The following TESK1 variants were observed in gnomAD, a reference collection of about 807,000 sequenced individuals.
TESK1 encodes the protein dual specificity testis-specific protein kinase 1.
A neutral mutation model predicts 59.9 loss-of-function variants in TESK1; 18 were observed. The ratio of observed to expected loss-of-function variants is 0.30; its 90% CI spans 0.21 to 0.45. TESK1 has a LOEUF of 0.45. Among genes scored for constraint, TESK1 ranks in the 20% least tolerant of loss-of-function variants. The probability of loss-of-function intolerance (pLI) is 1.00; values close to 1 mark genes in which losing one functional copy is unlikely to be tolerated. For synonymous variants in TESK1, 341 were observed against 357.4 expected (o/e 0.95, Z 0.52); for missense variants, 748 against 840.9 (o/e 0.89, Z 1.37).
chr9:35,605,555 AGCGCGGCCTGCCCGG>A lies in TESK1; in HGVS notation c.-62_-48del. ...TCGGGCTGGGCCCGCGCCCATGGCA[AGCGCGGCCTGCCCGG>A]GCCCTGGGGACCCTGCCATGTGAGG... On this transcript the variant is annotated 5_prime_UTR_variant, in exon 1 of 10. Transcript: ENST00000336395. 2.2e-6 allele frequency: 1 copy of A among 447,896 alleles called. No homozygotes were observed. The highest frequency in any genetic ancestry group is 3.4e-6 in the Non-Finnish European group (1 of 297,556). The allele number at this position is 447,896 out of a possible 1,614,324, so 27.7% of individuals were successfully genotyped here.
At position 35,607,114 on chromosome 9, in the gene TESK1, G is replaced by A; in HGVS notation, c.537+131G>A. ...GAGTGGCAAGGCATTGGAGAATATT[G>A]GGGGACCAGGGTGAGGGGAGTGCTC... On this transcript the variant is annotated intron_variant, in intron 4 of 9. Transcript: ENST00000336395. The surrounding 1 kb of genome is among the most constrained non-coding windows in gnomAD (Gnocchi z 4.5). The A allele has an allele frequency of 7.3e-7, 1 of 1,360,844 alleles. No homozygotes were observed. Among genetic ancestry groups the A allele is most frequent in the South Asian group, 1.4e-5 (1 of 71,338 alleles). The allele number at this position is 1,360,844 out of a possible 1,614,324, so 84.3% of individuals were successfully genotyped here.
chr9:35,605,704 A>ACGGGCGGAGGCC lies in TESK1; in HGVS notation c.91_102dup (p.Gly31_Gly34dup), dbSNP rs1822831284. ...GGAGGGGCCCCCGGGGCCGGGGGGCACGGGCGGAGGCCCGGGCCGGGGCCG... is the reference window on the plus strand; with the variant it reads ...GGAGGGGCCCCCGGGGCCGGGGGGCACGGGCGGAGGCCCGGGCGGAGGCCCGGGCCGGGGCCG... On this transcript the variant is annotated inframe_insertion, in exon 1 of 10. Coordinates refer to ENST00000336395, the MANE Select transcript of TESK1 (RefSeq NM_006285.3). 2 of 1,503,940 alleles carry ACGGGCGGAGGCC rather than the reference A, an allele frequency of 1.3e-6. No individual in the cohort carries two copies. Among genetic ancestry groups the ACGGGCGGAGGCC allele is most frequent in the Non-Finnish European group, 1.8e-6 (2 of 1,124,822 alleles). 93.2% of individuals were successfully genotyped at this position (1,503,940 alleles called of 1,614,324 possible). A position where few individuals can be genotyped will look rare whatever the true frequency, so the allele number is the denominator to read the frequency against.
In TESK1 at chr9:35,605,431, T is replaced by A. The variant is rs1375723595; in HGVS notation, c.-189T>A. The A allele has an allele frequency of 5.0e-6, 1 of 201,426 alleles. No individual in the cohort carries two copies. Among genetic ancestry groups the A allele is most frequent in the Admixed American group, 6.0e-5 (1 of 16,618 alleles). 12.5% of individuals were successfully genotyped at this position (201,426 alleles called of 1,614,324 possible). On this transcript the variant is annotated 5_prime_UTR_variant, in exon 1 of 10. Transcript: ENST00000336395. ...CTGCGCGGAGCGGAGCGGCGCGGCGTCCACCCGGGCCCAGCCAGCCGGCGC... is the reference window on the plus strand; with the variant it reads ...CTGCGCGGAGCGGAGCGGCGCGGCGACCACCCGGGCCCAGCCAGCCGGCGC...
chr9:35,606,055 A>T lies in TESK1; in HGVS notation c.291A>T (p.Thr97=). The part of the protein sequence containing the change: ...MNKLPSNRGN[T]LREVQLMNRL... ...AGCTCCCCAGTAACCGGGGCAACAC[A>T]CTACGGGAAGTGCAGCTGATGAACC... is the stretch of plus-strand genomic sequence containing the variant. Residue 97 remains threonine (T), a synonymous_variant, in exon 2 of 10, where the codon ACA becomes ACT. Transcript: ENST00000336395. 1 of 1,614,068 alleles carries T rather than the reference A, an allele frequency of 6.2e-7. No homozygotes were observed. Among genetic ancestry groups the T allele is most frequent in the Non-Finnish European group, 8.5e-7 (1 of 1,180,008 alleles).
At position 35,605,634 on chromosome 9, in the gene TESK1, G is replaced by A. The variant is rs1176026090; in HGVS notation, c.15G>A (p.Arg5=). The change falls in exon 1 of 10, where the codon CGG becomes CGA. Residue 5 remains arginine, a synonymous_variant. Transcript: ENST00000336395. The stretch of plus-strand genomic sequence containing the variant: ...GGGGCCCGGCCATGGCCGGGGAACG[G>A]CCCCCACTGCGGGGCCCTGGGCCCG... MAGE[R]PPLRGPGPGP... is the part of the protein sequence containing the mutation. 2.3e-5 allele frequency: 28 copies of A among 1,192,112 alleles called. No individual in the cohort carries two copies. Among genetic ancestry groups the A allele is most frequent in the Admixed American group, 4.4e-5 (1 of 22,538 alleles). 73.8% of individuals were successfully genotyped at this position (1,192,112 alleles called of 1,614,324 possible).
At position 35,609,036 on chromosome 9, in the gene TESK1, T is replaced by G; in HGVS notation, c.1175T>G (p.Ile392Ser). 6.2e-7 allele frequency: 1 copy of G among 1,614,112 alleles called. No homozygotes were observed. Among genetic ancestry groups the G allele is most frequent in the Non-Finnish European group, 8.5e-7 (1 of 1,180,022 alleles). Residue 392 changes from isoleucine to serine, a missense_variant, in exon 10 of 10, where the codon ATC becomes AGC. This residue lies in a region of TESK1 where 447 missense variants were observed against 466.1 expected (regional missense o/e 0.96). Transcript: ENST00000336395. This position sits in a 1 kb window ranked among gnomAD's most constrained non-coding sequence, Gnocchi z 6.7. ...SLREDLRGGK[I>S]KLLDTPSKPV... ...CGGGAAGACCTCAGGGGTGGCAAGATCAAGCTCTTAGACACACCCAGCAAG... is the reference window on the plus strand; with the variant it reads ...CGGGAAGACCTCAGGGGTGGCAAGAGCAAGCTCTTAGACACACCCAGCAAG...
chr9:35,607,589 G>C lies in TESK1; in HGVS notation c.628G>C (p.Ala210Pro), dbSNP rs1294557009. ...CTGCCCCTGCCCCTGCAGGGAGGGG[G>C]CAAGGAAGGAGCCATTGGCCGTGGT... ...AEKIPVYREGARKEPLAVVGS... is the reference protein window; with the variant it reads ...AEKIPVYREGPRKEPLAVVGS... The change falls in exon 6 of 10, where the codon GCA (alanine) becomes CCA (proline). Residue 210 changes from alanine to proline, a missense_variant. Coordinates refer to ENST00000336395, the MANE Select transcript of TESK1 (RefSeq NM_006285.3). This position sits in a 1 kb window ranked among gnomAD's most constrained non-coding sequence, Gnocchi z 4.5. 1 of 1,613,706 alleles carries C rather than the reference G, an allele frequency of 6.2e-7. No homozygotes were observed. Among genetic ancestry groups the C allele is most frequent in the Admixed American group, 1.7e-5 (1 of 60,004 alleles).
chr9:35,605,805 G>A lies in TESK1; in HGVS notation c.186G>A (p.Lys62=). The A allele has an allele frequency of 6.2e-7, 1 of 1,612,070 alleles. No homozygotes were observed. Among genetic ancestry groups the A allele is most frequent in the Non-Finnish European group, 8.5e-7 (1 of 1,179,584 alleles). The change falls in exon 1 of 10, where the codon AAG becomes AAA. Residue 62 remains lysine (K), a synonymous_variant. Transcript: ENST00000336395. The part of the protein sequence containing the change: ...ARVDDFHCAE[K]IGAGFFSEVY... ...TGGACGATTTTCACTGCGCGGAGAA[G>A]ATCGGGGCCGGCTTCTTCTCTGAGG...
In TESK1 at chr9:35,608,579, A is replaced by G. The variant is rs534057121; in HGVS notation, c.1000+70A>G. ...GTCCTCCCTAGAATTCAGAGGTGAC[A>G]TGGGGGAGGCTAAGTATATTTATTA... On this transcript the variant is annotated intron_variant, in intron 9 of 9. Coordinates refer to ENST00000336395, the MANE Select transcript of TESK1 (RefSeq NM_006285.3). 3.0e-4 allele frequency: 354 copies of G among 1,192,652 alleles called. 3 individuals are homozygous for G. In the South Asian group the frequency reaches 4.1e-3, roughly 14 times the overall value. The allele number at this position is 1,192,652 out of a possible 1,614,324, so 73.9% of individuals were successfully genotyped here. A position where few individuals can be genotyped will look rare whatever the true frequency, so the allele number is the denominator to read the frequency against.
rs967539582 is a variant in TESK1, at chr9:35,605,296, G to GCCGCCCGC, written c.-310_-303dup. On this transcript the variant is annotated 5_prime_UTR_variant, in exon 1 of 10. Coordinates refer to ENST00000336395, the MANE Select transcript of TESK1 (RefSeq NM_006285.3). ...TCCCCGGCGGCTAAGCGGAGCAGCCGCCGCCCGCCCGCCCGCCCGCCTCCG... is the reference window on the plus strand; with the variant it reads ...TCCCCGGCGGCTAAGCGGAGCAGCCGCCGCCCGCCCGCCCGCCCGCCCGCCCGCCTCCG... The GCCGCCCGC allele has an allele frequency of 3.0e-4, 44 of 148,340 alleles. No individual in the cohort carries two copies. The highest frequency in any genetic ancestry group is 7.9e-4 in the East Asian group (4 of 5,058). 9.2% of individuals were successfully genotyped at this position (148,340 alleles called of 1,614,324 possible).
At position 35,609,797 on chromosome 9, in the gene TESK1, G is replaced by C. The variant is rs974861909; in HGVS notation, c.*55G>C. 2 of 1,480,216 alleles carry C rather than the reference G, an allele frequency of 1.4e-6. No homozygotes were observed. The highest frequency in any genetic ancestry group is 1.4e-5 in the African/African-American group (1 of 71,772). The allele number at this position is 1,480,216 out of a possible 1,614,324, so 91.7% of individuals were successfully genotyped here. A position where few individuals can be genotyped will look rare whatever the true frequency, so the allele number is the denominator to read the frequency against. On this transcript the variant is annotated 3_prime_UTR_variant, in exon 10 of 10. Transcript: ENST00000336395. The surrounding 1 kb of genome is among the most constrained non-coding windows in gnomAD (Gnocchi z 6.7). ...CTTTGGCCTTCAGGACACCCTGTAA[G>C]AACAGAGCACACTTGCTGGACAGTG...
chr9:35,607,515 A>G lies in TESK1; in HGVS notation c.621-67A>G. 6.4e-7 allele frequency: 1 copy of G among 1,574,210 alleles called. No individual in the cohort carries two copies. Among genetic ancestry groups the G allele is most frequent in the Admixed American group, 1.7e-5 (1 of 59,922 alleles). On this transcript the variant is annotated intron_variant, in intron 5 of 9. Coordinates refer to ENST00000336395, the MANE Select transcript of TESK1 (RefSeq NM_006285.3). This position sits in a 1 kb window ranked among gnomAD's most constrained non-coding sequence, Gnocchi z 4.5. ...TTGGGGAACGGAGGGAGTTCACCTC[A>G]TCCCCTTTTGCCTGGGGGGGATGCC...
At position 35,605,651 on chromosome 9, in the gene TESK1, C is replaced by A; in HGVS notation, c.32C>A (p.Pro11His). 1 of 1,253,994 alleles carries A rather than the reference C, an allele frequency of 8.0e-7. No homozygotes were observed. The highest frequency in any genetic ancestry group is 1.0e-6 in the Non-Finnish European group (1 of 999,644). The allele number at this position is 1,253,994 out of a possible 1,614,324, so 77.7% of individuals were successfully genotyped here. Residue 11 changes from proline (P) to histidine (H), a missense_variant, in exon 1 of 10, where the codon CCT (proline) becomes CAT (histidine). Pro to His is a moderately conservative substitution (Grantham distance 77, BLOSUM62 -2). Transcript: ENST00000336395. Reference protein sequence around the residue: MAGERPPLRGPGPGPGEVPGE... With the variant: MAGERPPLRGHGPGPGEVPGE... ...GGGGAACGGCCCCCACTGCGGGGCCCTGGGCCCGGGCCTGGAGAGGTGCCG... is the reference window on the plus strand; with the variant it reads ...GGGGAACGGCCCCCACTGCGGGGCCATGGGCCCGGGCCTGGAGAGGTGCCG...
rs751807950 is a variant in TESK1 at position 35,609,632 on chromosome 9, G to A, written c.1771G>A (p.Val591Ile). Residue 591 changes from valine to isoleucine, a missense_variant, in exon 10 of 10, where the codon GTT becomes ATT. Val to Ile is a conservative substitution (Grantham distance 29). Transcript: ENST00000336395. This position sits in a 1 kb window ranked among gnomAD's most constrained non-coding sequence, Gnocchi z 6.7. ...CATGTGCCCCCGCCCCACACCAGCT[G>A]TTGCCCGCTACCGCAACCTGAACTG... ...LSMCPRPTPA[V>I]ARYRNLNCEA... is the part of the protein sequence containing the mutation. 1.2e-6 allele frequency: 2 copies of A among 1,609,872 alleles called. No individual in the cohort carries two copies. Among genetic ancestry groups the A allele is most frequent in the Non-Finnish European group, 1.7e-6 (2 of 1,179,960 alleles).
Position 35,605,448 on chromosome 9 carries a change from A to C in TESK1, c.-172A>C. On this transcript the variant is annotated 5_prime_UTR_variant, in exon 1 of 10. Transcript: ENST00000336395. ...GCGCGGCGTCCACCCGGGCCCAGCC[A>C]GCCGGCGCGGCGGGGGCGGGTCCAG... is the stretch of plus-strand genomic sequence containing the variant. The C allele has an allele frequency of 9.3e-6, 2 of 214,914 alleles. No homozygotes were observed. Among genetic ancestry groups the C allele is most frequent in the Non-Finnish European group, 9.0e-6 (1 of 110,760 alleles). 13.3% of individuals were successfully genotyped at this position (214,914 alleles called of 1,614,324 possible). A position where few individuals can be genotyped will look rare whatever the true frequency, so the allele number is the denominator to read the frequency against.
In TESK1 at chr9:35,609,543, A is replaced by C. The variant is rs765368705; in HGVS notation, c.1682A>C (p.Glu561Ala). 2 of 1,612,918 alleles carry C rather than the reference A, an allele frequency of 1.2e-6. No homozygotes were observed. The highest frequency in any genetic ancestry group is 2.2e-5 in the South Asian group (2 of 90,952). ...EPSPPPSAPR[E>A]PDEGLPCPGC... ...TCGCCACCCCCTTCAGCTCCCCGGG[A>C]GCCCGATGAGGGGCTGCCCTGTCCT... Residue 561 changes from glutamate (E) to alanine (A), a missense_variant, in exon 10 of 10, where the codon GAG becomes GCG. Physicochemically the swap from Glu to Ala is moderately radical, Grantham distance 107. Around this residue, in one of 3 missense-constraint regions of TESK1, gnomAD observed 447 missense variants for 466.1 expected, o/e 0.96. Coordinates refer to ENST00000336395, the MANE Select transcript of TESK1 (RefSeq NM_006285.3). This position sits in a 1 kb window ranked among gnomAD's most constrained non-coding sequence, Gnocchi z 6.7.
chr9:35,608,483 C>T lies in TESK1; in HGVS notation c.974C>T (p.Thr325Ile). 1 of 1,614,152 alleles carries T rather than the reference C, an allele frequency of 6.2e-7. No individual in the cohort carries two copies. The change falls in exon 9 of 10, where the codon ACC (threonine) becomes ATC (isoleucine). Residue 325 changes from threonine to isoleucine, a missense_variant. Physicochemically the swap from Thr to Ile is moderately conservative, Grantham distance 89 (BLOSUM62 -1). This residue lies in a region of TESK1 where 447 missense variants were observed against 466.1 expected (regional missense o/e 0.96). Transcript: ENST00000336395. ...LEQLPEPAPL[T>I]RTALTHNQGS... is the part of the protein sequence containing the mutation. ...CAGCTGCCTGAGCCAGCCCCACTCA[C>T]CAGGACCGCCCTGACACACAATCAG...
In TESK1 at chr9:35,609,493, G is replaced by T. The variant is rs747519875; in HGVS notation, c.1632G>T (p.Ala544=). 20 of 1,604,372 alleles carry T rather than the reference G, an allele frequency of 1.2e-5. No homozygotes were observed. The highest frequency in any genetic ancestry group is 1.7e-5 in the Admixed American group (1 of 59,160). Residue 544 remains alanine, a synonymous_variant, in exon 10 of 10, where the codon GCG becomes GCT. Coordinates refer to ENST00000336395, the MANE Select transcript of TESK1 (RefSeq NM_006285.3). The surrounding 1 kb of genome is among the most constrained non-coding windows in gnomAD (Gnocchi z 6.7). ...GGGCCCAGCATAGCCTGCCCCGGGC[G>T]GCAGCCCTGGAGCGGACAGAACCCT... is the stretch of plus-strand genomic sequence containing the variant. ...WNRAQHSLPR[A]AALERTEPSP...
rs766164465 is a variant in TESK1 at position 35,609,342 on chromosome 9, A to G, written c.1481A>G (p.Asn494Ser). 2 of 1,613,658 alleles carry G rather than the reference A, an allele frequency of 1.2e-6. No homozygotes were observed. The highest frequency in any genetic ancestry group is 1.7e-6 in the Non-Finnish European group (2 of 1,179,892). The change falls in exon 10 of 10, where the codon AAC (asparagine) becomes AGC (serine). Residue 494 changes from asparagine to serine, a missense_variant. Around this residue, in one of 3 missense-constraint regions of TESK1, gnomAD observed 447 missense variants for 466.1 expected, o/e 0.96. Transcript: ENST00000336395. This position sits in a 1 kb window ranked among gnomAD's most constrained non-coding sequence, Gnocchi z 6.7. ...CTGCCTCTGGCTGTGGCCACAGACA[A>G]CTTCATCAGCACCTGTTCCTCGGCC... is the stretch of plus-strand genomic sequence containing the variant. ...PQLPLAVATD[N>S]FISTCSSASQ... is the part of the protein sequence containing the mutation.
Sources: gnomAD v4.1 joint callset for allele counts on GRCh38, gnomAD v4.1.1 for gene constraint, gnomAD v4.1.1 regional missense constraint, Gnocchi (gnomAD v3.1) non-coding constraint, MANE v1.5 for transcripts, NCBI Gene and HGNC (gene_info 2026-07-23, HGNC 2026-07-21) for gene names.